Variants in GRM3 observed in about 807,000 individuals in gnomAD.
GRM3 encodes the protein metabotropic glutamate receptor 3.
Under a neutral mutation model 70.5 loss-of-function variants are expected in GRM3, and 26 were observed. That is an observed-to-expected ratio of 0.37 (90% confidence interval 0.27 to 0.51). GRM3 has a LOEUF of 0.51. Ranked by LOEUF, GRM3 falls within the 20% of genes least tolerant of loss-of-function variation. The pLI is 0.93. For synonymous variants in GRM3, 443 were observed against 434.9 expected (o/e 1.02, Z -0.23); for missense variants, 859 against 1,123.8 (o/e 0.76, Z 3.37).
At chr7:86,837,694 A>G (rs1250091289) in intron 3 of GRM3, among the ~76,000 whole-genome samples, 2 of 152,178 alleles carry the variant, frequency 1.3e-5, no homozygotes, top group African/African-American at 4.8e-5. Context: ...TTCAAGATGG[A>G]AGGAATCTGG....
chr7:86,759,739 G>A (rs1032581484), intron 1 of GRM3, among the ~76,000 whole-genome samples: 1 of 152,098 alleles, frequency 6.6e-6, no homozygotes, highest in African/African-American at 2.4e-5. Flanking sequence ...AACATGGAAG[G>A]CTACAAGGAA....
At chr7:86,820,814 G>C (rs1192617029) in intron 3 of GRM3, among the ~76,000 whole-genome samples, 1 of 152,124 alleles carries the variant, frequency 6.6e-6, no homozygotes. Flanking sequence ...GCATGTTCAA[G>C]CTTCTTGAGA....
At chr7:86,722,101 A>G (rs1229137215) in intron 1 of GRM3, among the ~76,000 whole-genome samples, 1 of 152,110 alleles carries the variant, frequency 6.6e-6, no homozygotes, top group East Asian at 1.9e-4. Flanking sequence ...CTCAGTCATA[A>G]TAGACCCCAG....
At chr7:86,652,069 G>A (rs1562813351) in intron 1 of GRM3, among the ~76,000 whole-genome samples, 1 of 152,108 alleles carries the variant, frequency 6.6e-6, no homozygotes, top group African/African-American at 2.4e-5. Context: ...GAATTTTTAC[G>A]TACTTCACGA....
intron 3 of GRM3, among the ~76,000 whole-genome samples, chr7:86,814,275 G>C (rs1797973300): frequency 6.6e-6 from 1 of 151,632 alleles, no homozygotes; most frequent in Non-Finnish European, 1.5e-5. Context: ...GGTACCGGTG[G>C]TATTTGGTAA....
intron 5 of GRM3, among the ~76,000 whole-genome samples, chr7:86,856,810 T>C (rs1798858696): frequency 2.6e-5 from 4 of 152,204 alleles, no homozygotes; most frequent in Admixed American, 6.5e-5. Flanking sequence ...CCTTAAATCA[T>C]TCTCTCTTTA....
chr7:86,708,083 C>A (rs1279400411), intron 1 of GRM3, among the ~76,000 whole-genome samples: 4 of 152,132 alleles, frequency 2.6e-5, no homozygotes, highest in South Asian at 2.1e-4. Flanking sequence ...GGATTCTAAG[C>A]CAGTCTCTCT....
At position 86,705,996 on chromosome 7, in the gene GRM3, G is replaced by T. The variant is rs78783897; in HGVS notation, c.-140-59010G>T. On this transcript the variant is annotated intron_variant, in intron 1 of 5. Transcript: ENST00000361669. ...ACAGCACCAGACTTTTAGCCCATCT[G>T]CAGATAATCTGTCTAGGATGATAAA... 9.8e-3 allele frequency among the ~76,000 whole-genome samples: 1,498 copies of T among 152,192 alleles called. 23 individuals carry two copies. The highest frequency in any genetic ancestry group is 0.034 in the African/African-American group (1,422 of 41,562).
chr7:86,670,572 C>T lies in GRM3; in HGVS notation c.-141+25700C>T, dbSNP rs540136246. Among the ~76,000 whole-genome samples, 6 of 152,254 alleles carry T rather than the reference C, an allele frequency of 3.9e-5. 1 individual carries two copies. The South Asian group carries it at 1.2e-3, about 32-fold the overall frequency. ...TTTGAATCCACTCCTCTTTTCAATC[C>T]TCATATTCACCATCTTGCTTTAGAA... is the stretch of plus-strand genomic sequence containing the variant. On this transcript the variant is annotated intron_variant, in intron 1 of 5. Coordinates refer to ENST00000361669, the MANE Select transcript of GRM3 (RefSeq NM_000840.3).
rs1794080144 is a variant in GRM3 at position 86,668,252 on chromosome 7, A to G, written c.-141+23380A>G. On this transcript the variant is annotated intron_variant, in intron 1 of 5. Transcript: ENST00000361669. ...TTAGGATTCTTCTGGTTTCCAAGGA[A>G]CAGGTGAAATGTCAAAATTTTTTTT... Among the ~76,000 whole-genome samples, 4 of 147,340 alleles carry G rather than the reference A, an allele frequency of 2.7e-5. 1 individual carries two copies. The South Asian group carries it at 8.6e-4, about 32-fold the overall frequency.
intron 1 of GRM3, among the ~76,000 whole-genome samples, chr7:86,680,376 C>T (rs751683747): frequency 3.5e-5 from 5 of 143,012 alleles, no homozygotes; most frequent in Non-Finnish European, 7.7e-5. Flanking sequence ...GTGAAGAACA[C>T]TTTCAGACAA....
chr7:86,818,864 T>C (rs547881318), intron 3 of GRM3, among the ~76,000 whole-genome samples: 1 of 152,098 alleles, frequency 6.6e-6, no homozygotes, highest in Non-Finnish European at 1.5e-5. Flanking sequence ...TGCCACACGA[T>C]GTGGGCCAAT....
At chr7:86,764,981 G>A (rs1276630202) in intron 1 of GRM3, 25 bp from the exon 2 acceptor site, 3 of 1,427,018 alleles carry the variant, frequency 2.1e-6, no homozygotes, top group Admixed American at 5.8e-5. Context: ...TACCATTTTT[G>A]TTCATATAAT....
chr7:86,847,750 G>A (rs886860222), intron 4 of GRM3, among the ~76,000 whole-genome samples: 10 of 152,280 alleles, frequency 6.6e-5, no homozygotes, highest in South Asian at 2.1e-4. Context: ...ACAGAGCATC[G>A]TAAGCTGGTA....
intron 5 of GRM3, among the ~76,000 whole-genome samples, chr7:86,860,634 C>T (rs987853231): frequency 1.3e-5 from 2 of 152,138 alleles, no homozygotes; most frequent in Admixed American, 1.3e-4. Flanking sequence ...ACATAGGTTG[C>T]TCCTTTGAAT....
intron 1 of GRM3, among the ~76,000 whole-genome samples, chr7:86,658,725 G>A: frequency 6.6e-6 from 1 of 151,878 alleles, no homozygotes; most frequent in East Asian, 1.9e-4. Flanking sequence ...ACTCACTCTG[G>A]AGCAAATTTT....
chr7:86,832,797 G>A (rs1263726414), intron 3 of GRM3, among the ~76,000 whole-genome samples: 3 of 152,124 alleles, frequency 2.0e-5, no homozygotes, highest in Non-Finnish European at 4.4e-5. Context: ...TGGTATTCAA[G>A]CCAAGTTCCC....
intron 5 of GRM3, 137 bp downstream of exon 5, chr7:86,850,681 G>A (rs1306773582): frequency 3.0e-6 from 2 of 672,452 alleles, no homozygotes; most frequent in African/African-American, 3.5e-5. Flanking sequence ...TAAACACTGT[G>A]AGTCAGGTAT....
chr7:86,784,483 C>T (rs1797171848), intron 2 of GRM3: 1 of 152,188 alleles, frequency 6.6e-6, no homozygotes, highest in Admixed American at 6.5e-5. Context: ...AGACAGGGCT[C>T]CTATCACCAA....
Sources: allele counts gnomAD v4.1 joint callset (sites outside exome capture counted in the v4.1 genomes callset), GRCh38; gene constraint gnomAD v4.1.1; transcripts MANE v1.5; gene names NCBI Gene and HGNC (gene_info 2026-07-23, HGNC 2026-07-21).